SLC10A7: variants seen among roughly 807,000 people sequenced by gnomAD.
SLC10A7 encodes sodium/bile acid cotransporter 7.
SLC10A7 carries 29 observed loss-of-function variants against 43.2 expected under a neutral mutation model. The observed-to-expected ratio is 0.67, with a 90% CI of 0.50 to 0.92. The LOEUF (loss-of-function observed/expected upper bound fraction) is 0.92, where lower values mean the gene tolerates loss of function less well. Among genes scored for constraint, SLC10A7 ranks in the 40% least tolerant of loss-of-function variants. The probability of loss-of-function intolerance (pLI) is 0.00; values close to 1 mark genes in which losing one functional copy is unlikely to be tolerated. For synonymous variants in SLC10A7, 152 were observed against 144.8 expected (o/e 1.05, Z -0.35); for missense variants, 295 against 403.2 (o/e 0.73, Z 2.30).
chr4:146,507,947 C>T (rs1192102578), intron 3 of SLC10A7, among the ~76,000 whole-genome samples: 1 of 152,194 alleles, frequency 6.6e-6, no homozygotes, highest in Non-Finnish European at 1.5e-5. Context: ...TTTTATTTAG[C>T]ATATTGAGAG....
chr4:146,332,358 C>A (rs993623478), intron 5 of SLC10A7, among the ~76,000 whole-genome samples: 3 of 152,178 alleles, frequency 2.0e-5, no homozygotes, highest in African/African-American at 7.2e-5. Flanking sequence ...TGTCCCCACC[C>A]ATATCTCATG....
chr4:146,497,931 C>CA (rs1264584344), intron 4 of SLC10A7, among the ~76,000 whole-genome samples: 1 of 151,400 alleles, frequency 6.6e-6, no homozygotes, highest in Non-Finnish European at 1.5e-5. Flanking sequence ...AAAAAAAAAT[C>CA]AAAAAAATTT....
At chr4:146,291,393 T>C (rs1730434189) in intron 9 of SLC10A7, among the ~76,000 whole-genome samples, 1 of 152,218 alleles carries the variant, frequency 6.6e-6, no homozygotes, top group Non-Finnish European at 1.5e-5. Flanking sequence ...TAAGTTTTTA[T>C]TGACTGTTTA....
At chr4:146,405,618 T>C (rs1727612852) in intron 5 of SLC10A7, among the ~76,000 whole-genome samples, 1 of 152,162 alleles carries the variant, frequency 6.6e-6, no homozygotes, top group Admixed American at 6.5e-5. Context: ...AATTGTTTTA[T>C]AATTGAGAAA....
At chr4:146,430,688 T>C (rs973914324) in intron 5 of SLC10A7, among the ~76,000 whole-genome samples, 4 of 152,154 alleles carry the variant, frequency 2.6e-5, no homozygotes, top group African/African-American at 7.2e-5. Context: ...TGTAGGGTTC[T>C]AGCAAAAAAG....
chr4:146,415,523 C>T (rs1030819427), intron 5 of SLC10A7, among the ~76,000 whole-genome samples: 2 of 152,090 alleles, frequency 1.3e-5, no homozygotes, highest in African/African-American at 4.8e-5. Flanking sequence ...AATGGAGGCA[C>T]AATAAAGGGA....
rs112769969 is a variant in SLC10A7, at chr4:146,395,270, T to C, written c.435+47513A>G. Reference sequence around the variant, plus strand: ...TGGCTAACATAGTGCCAGAACATAGTCCCAGCTGTTCAAAAAGCTGAGGCA... The same window carrying C: ...TGGCTAACATAGTGCCAGAACATAGCCCCAGCTGTTCAAAAAGCTGAGGCA... On this transcript the variant is annotated intron_variant, in intron 5 of 11. Coordinates refer to ENST00000335472, the MANE Select transcript of SLC10A7 (RefSeq NM_001029998.6). 5.7e-3 allele frequency among the ~76,000 whole-genome samples: 867 copies of C among 152,196 alleles called. 5 individuals carry two copies. Among genetic ancestry groups the C allele is most frequent in the African/African-American group, 0.02 (810 of 41,502 alleles).
intron 9 of SLC10A7, among the ~76,000 whole-genome samples, chr4:146,287,652 A>C (rs1730124500): frequency 6.6e-6 from 1 of 152,212 alleles, no homozygotes. Flanking sequence ...ACTTCCATGC[A>C]GGAGTGAGTG....
chr4:146,379,383 C>T (rs968956735), intron 5 of SLC10A7, among the ~76,000 whole-genome samples: 34 of 152,240 alleles, frequency 2.2e-4, no homozygotes, highest in South Asian at 1.2e-3. Context: ...ATTTATCAGA[C>T]GCTTCAGTAA....
intron 4 of SLC10A7, among the ~76,000 whole-genome samples, chr4:146,475,841 G>A (rs763301346): frequency 3.9e-5 from 6 of 152,040 alleles, no homozygotes; most frequent in African/African-American, 4.8e-5. Context: ...AAATTAAACC[G>A]CATATTAAAT....
At chr4:146,482,065 C>G (rs757720142) in intron 4 of SLC10A7, among the ~76,000 whole-genome samples, 2 of 152,152 alleles carry the variant, frequency 1.3e-5, no homozygotes, top group African/African-American at 2.4e-5. Context: ...AAAACCAGAG[C>G]CACTATAATC....
chr4:146,329,580 C>T (rs1019075908), intron 5 of SLC10A7, among the ~76,000 whole-genome samples: 4 of 152,158 alleles, frequency 2.6e-5, no homozygotes, highest in African/African-American at 9.7e-5. Context: ...AGCCTGTGCT[C>T]TTGAATGGTG....
chr4:146,455,776 G>A (rs892406379), intron 4 of SLC10A7, among the ~76,000 whole-genome samples: 2 of 151,844 alleles, frequency 1.3e-5, no homozygotes, highest in African/African-American at 4.8e-5. Flanking sequence ...GGATCAAACA[G>A]TGCACAATCT....
intron 6 of SLC10A7, among the ~76,000 whole-genome samples, chr4:146,307,597 TACTGAG>T: frequency 6.6e-6 from 1 of 152,150 alleles, no homozygotes; most frequent in East Asian, 1.9e-4. Context: ...AAATATATTT[TACTGAG>T]AAATGAGGCA....
intron 5 of SLC10A7, among the ~76,000 whole-genome samples, chr4:146,358,148 C>A (rs915254482): frequency 6.6e-6 from 1 of 151,684 alleles, no homozygotes; most frequent in African/African-American, 2.4e-5. Context: ...CAACTCGAGA[C>A]ACATGACACT....
At chr4:146,499,609 C>T (rs569186536) in intron 4 of SLC10A7, among the ~76,000 whole-genome samples, 1 of 152,266 alleles carries the variant, frequency 6.6e-6, no homozygotes, top group East Asian at 1.9e-4. Context: ...ATAGTCTACT[C>T]ATTTCATATC....
intron 5 of SLC10A7, among the ~76,000 whole-genome samples, chr4:146,376,275 C>T (rs1428369561): frequency 6.6e-6 from 1 of 152,118 alleles, no homozygotes; most frequent in African/African-American, 2.4e-5. Flanking sequence ...AGCTCTTTGT[C>T]CGATCTTATT....
intron 1 of SLC10A7, among the ~76,000 whole-genome samples, chr4:146,519,763 C>G (rs911468377): frequency 6.6e-6 from 1 of 152,046 alleles, no homozygotes; most frequent in Non-Finnish European, 1.5e-5. Flanking sequence ...AGCTAGCTAC[C>G]TTAACCTAGA....
chr4:146,327,154 C>T (rs1377710876), intron 5 of SLC10A7, among the ~76,000 whole-genome samples: 1 of 152,162 alleles, frequency 6.6e-6, no homozygotes, highest in Non-Finnish European at 1.5e-5. Context: ...CCAAGAGGGA[C>T]TGGCTTACCT....
Sources: gnomAD v4.1 joint callset for allele counts (sites outside exome capture counted in the v4.1 genomes callset) on GRCh38, gnomAD v4.1.1 for gene constraint, MANE v1.5 for transcripts, NCBI Gene and HGNC (gene_info 2026-07-23, HGNC 2026-07-21) for gene names.